The following TMCC1 variants were observed in gnomAD, a reference collection of about 807,000 sequenced individuals.
TMCC1 encodes transmembrane and coiled-coil domains protein 1.
A neutral mutation model predicts 52.4 loss-of-function variants in TMCC1; 15 were observed. The ratio of observed to expected loss-of-function variants is 0.29; its 90% CI spans 0.19 to 0.44. The LOEUF is 0.44. TMCC1 is among the 20% of genes least tolerant of loss of function. TMCC1 has a pLI of 1.00. For synonymous variants in TMCC1, 279 were observed against 301.9 expected (o/e 0.92, Z 0.79); for missense variants, 503 against 806.0 (o/e 0.62, Z 4.55).
At chr3:129,788,394 C>A (rs2056192838) in intron 4 of TMCC1, among the ~76,000 whole-genome samples, 1 of 152,102 alleles carries the variant, frequency 6.6e-6, no homozygotes, top group South Asian at 2.1e-4. Context: ...ATAGGGAGGT[C>A]ATTCTCTATT....
Position 129,880,443 on chromosome 3 carries a change from A to G in TMCC1, c.-318T>C, listed in dbSNP as rs145935546. The G allele has an allele frequency of 6.6e-6, 1 of 152,232 alleles. No homozygotes were observed. Among genetic ancestry groups the G allele is most frequent in the Non-Finnish European group, 1.5e-5 (1 of 68,042 alleles). The allele number at this position is 152,232 out of a possible 1,614,324, so 9.4% of individuals were successfully genotyped here. ...AAGATCCATATGAAAAAGAGATCCA[A>G]TCTGGGAGGATGGACACTGTGTCTT... On this transcript the variant is annotated 5_prime_UTR_variant, in exon 2 of 7. Coordinates refer to ENST00000393238, the MANE Select transcript of TMCC1 (RefSeq NM_001017395.5).
intron 4 of TMCC1, among the ~76,000 whole-genome samples, chr3:129,804,011 C>T (rs1343006807): frequency 2.0e-5 from 3 of 152,000 alleles, no homozygotes; most frequent in South Asian, 2.1e-4. Context: ...GCCCAGAGCA[C>T]GTTGAACATG....
rs1244031605 is a variant in TMCC1 at position 129,827,748 on chromosome 3, G to A, written c.576+55C>T. Reference sequence around the variant, plus strand: ...TAGTTACCAAAGGAAAGTCTGGAGAGTCCTAGGTATGAAAAACAGTAAGTT... The same window carrying A: ...TAGTTACCAAAGGAAAGTCTGGAGAATCCTAGGTATGAAAAACAGTAAGTT... On this transcript the variant is annotated intron_variant, in intron 4 of 6. Coordinates refer to ENST00000393238, the MANE Select transcript of TMCC1 (RefSeq NM_001017395.5). 3 of 1,570,516 alleles carry A rather than the reference G, an allele frequency of 1.9e-6. No homozygotes were observed. In the African/African-American group the frequency reaches 4.0e-5, roughly 21 times the overall value.
intron 4 of TMCC1, among the ~76,000 whole-genome samples, chr3:129,796,968 G>A (rs2107762677): frequency 6.6e-6 from 1 of 152,290 alleles, no homozygotes; most frequent in South Asian, 2.1e-4. Context: ...TCTCAACTAT[G>A]CTCGTATCAT....
chr3:129,653,883 T>C (rs1235500646), intron 6 of TMCC1, among the ~76,000 whole-genome samples: 3 of 152,172 alleles, frequency 2.0e-5, no homozygotes, highest in Non-Finnish European at 2.9e-5. Context: ...AATGAAACAT[T>C]AGTAATGCAT....
At chr3:129,863,140 T>C (rs2060470041) in intron 2 of TMCC1, among the ~76,000 whole-genome samples, 1 of 152,222 alleles carries the variant, frequency 6.6e-6, no homozygotes, top group South Asian at 2.1e-4. Context: ...AAATGTCCTA[T>C]ACCTTTACTT....
chr3:129,758,189 A>G (rs915099394), intron 4 of TMCC1, among the ~76,000 whole-genome samples: 1 of 152,236 alleles, frequency 6.6e-6, no homozygotes, highest in Non-Finnish European at 1.5e-5. Flanking sequence ...CTGTGGATAA[A>G]CAATAAGTAA....
intron 1 of TMCC1, among the ~76,000 whole-genome samples, chr3:129,884,349 T>G (rs1306830329): frequency 3.3e-5 from 5 of 152,162 alleles, no homozygotes; most frequent in African/African-American, 1.2e-4. Context: ...ATTTTCAGGC[T>G]GGGCATGGTG....
chr3:129,818,119 T>C (rs552148335), intron 4 of TMCC1, among the ~76,000 whole-genome samples: 2 of 152,028 alleles, frequency 1.3e-5, no homozygotes, highest in South Asian at 2.1e-4. Context: ...CTTTTTTGTA[T>C]TGTTAGTGGA....
At chr3:129,675,873 T>C (rs980760947) in intron 4 of TMCC1, among the ~76,000 whole-genome samples, 13 of 151,450 alleles carry the variant, frequency 8.6e-5, no homozygotes, top group Non-Finnish European at 7.4e-5. Flanking sequence ...CCATCTCTAC[T>C]AAAAATACAA....
chr3:129,853,876 G>A (rs989719041), intron 2 of TMCC1, among the ~76,000 whole-genome samples: 1 of 151,980 alleles, frequency 6.6e-6, no homozygotes, highest in Non-Finnish European at 1.5e-5. Flanking sequence ...CAGAAATGTA[G>A]GACTCCTCTC....
At chr3:129,731,764 GT>G (rs928575484) in intron 4 of TMCC1, among the ~76,000 whole-genome samples, 19 of 152,010 alleles carry the variant, frequency 1.2e-4, no homozygotes, top group African/African-American at 4.6e-4. Context: ...GAGACTACAG[GT>G]GTCAGCCCCC....
intron 1 of TMCC1, among the ~76,000 whole-genome samples, chr3:129,885,719 T>G (rs1008003547): frequency 6.6e-6 from 1 of 152,142 alleles, no homozygotes; most frequent in East Asian, 1.9e-4. Context: ...CTGCCTACTA[T>G]CCCTCTGAAT....
intron 4 of TMCC1, among the ~76,000 whole-genome samples, chr3:129,723,360 C>CT (rs62761061): frequency 0.027 from 2,878 of 105,626 alleles, 54 homozygotes; most frequent in Middle Eastern, 0.072. Context: ...AAATCTTTTT[C>CT]TTTTTTTTTT....
chr3:129,735,331 G>A (rs920464775), intron 4 of TMCC1, among the ~76,000 whole-genome samples: 2 of 151,878 alleles, frequency 1.3e-5, no homozygotes, highest in African/African-American at 2.4e-5. Flanking sequence ...AACACACTTC[G>A]CCAAAAAAGT....
Position 129,680,808 on chromosome 3 carries a change from T to G in TMCC1, c.577-9544A>C, listed in dbSNP as rs144251474. Among the ~76,000 whole-genome samples the G allele has an allele frequency of 1.8e-3, 267 of 151,444 alleles. 1 individual carries two copies. Among genetic ancestry groups the G allele is most frequent in the African/African-American group, 5.8e-3 (240 of 41,184 alleles). On this transcript the variant is annotated intron_variant, in intron 4 of 6. Coordinates refer to ENST00000393238, the MANE Select transcript of TMCC1 (RefSeq NM_001017395.5). ...CCGAGCTACTTGGGAGACTGAGGCA[T>G]GAGAATTGCTTGAACCGGGGGGTGG... is the stretch of plus-strand genomic sequence containing the variant.
At chr3:129,695,786 C>T (rs767102837) in intron 4 of TMCC1, among the ~76,000 whole-genome samples, 9 of 152,156 alleles carry the variant, frequency 5.9e-5, no homozygotes, top group Non-Finnish European at 1.2e-4. Context: ...CATTTCAAAA[C>T]CAATCATGCC....
chr3:129,876,927 A>G (rs2107982023), intron 2 of TMCC1, among the ~76,000 whole-genome samples: 1 of 152,314 alleles, frequency 6.6e-6, no homozygotes, highest in East Asian at 1.9e-4. Context: ...ACTGCACTCC[A>G]GCCTGGACAA....
chr3:129,761,007 A>T (rs1404159786), intron 4 of TMCC1, among the ~76,000 whole-genome samples: 1 of 152,012 alleles, frequency 6.6e-6, no homozygotes, highest in Non-Finnish European at 1.5e-5. Context: ...CATGTATCAG[A>T]CAGAATACTT....
Sources: allele counts gnomAD v4.1 joint callset (sites outside exome capture counted in the v4.1 genomes callset), GRCh38; gene constraint gnomAD v4.1.1; transcripts MANE v1.5; gene names NCBI Gene and HGNC (gene_info 2026-07-23, HGNC 2026-07-21).